The following GCM1 variants were observed in gnomAD, a reference collection of about 807,000 sequenced individuals.
GCM1 encodes the protein GCM transcription factor 1, also known as chorion-specific transcription factor GCMa.
In GCM1, 2 loss-of-function variants were observed where a neutral mutation model predicts 25.7. The observed-to-expected ratio is 0.08, with a 90% CI of 0.03 to 0.24. The LOEUF (loss-of-function observed/expected upper bound fraction) is 0.24. GCM1 is among the 10% of genes least tolerant of loss of function. The pLI, the probability that GCM1 is intolerant of heterozygous loss-of-function variation, is 1.00. For synonymous variants in GCM1, 183 were observed against 195.7 expected (o/e 0.94, Z 0.54); for missense variants, 395 against 538.7 (o/e 0.73, Z 2.64).
Position 53,128,420 on chromosome 6 carries a change from T to C in GCM1, c.1097A>G (p.Glu366Gly), listed in dbSNP as rs956295097. ...GCTGTTAAAATCCACATGTACTTTCTCTTCATAAAGATTACCCGCTGGATT... is the reference window on the plus strand; with the variant it reads ...GCTGTTAAAATCCACATGTACTTTCCCTTCATAAAGATTACCCGCTGGATT... Reference protein sequence around the residue: ...WPNPAGNLYEEKVHVDFNSYV... With the variant: ...WPNPAGNLYEGKVHVDFNSYV... The change falls in exon 6 of 6, where the codon GAG (glutamate) becomes GGG (glycine). Residue 366 changes from glutamate (E) to glycine (G), a missense_variant. Glu to Gly is a moderately conservative substitution (Grantham distance 98). Transcript: ENST00000259803. 3 of 1,613,968 alleles carry C rather than the reference T, an allele frequency of 1.9e-6. No homozygotes were observed. The highest frequency in any genetic ancestry group is 2.5e-6 in the Non-Finnish European group (3 of 1,179,942).
chr6:53,129,525 T>G (rs567160737), intron 5 of GCM1, among the ~76,000 whole-genome samples: 1 of 152,332 alleles, frequency 6.6e-6, no homozygotes, highest in East Asian at 1.9e-4. Flanking sequence ...CCACCTGCCT[T>G]GGCCTCCCAA....
Position 53,142,000 on chromosome 6 carries a change from G to GGAAAAAAAAAAAAAAAAAAAAAAAAAA in GCM1, c.75+3557_75+3558insTTTTTTTTTTTTTTTTTTTTTTTTTTC, listed in dbSNP as rs1259951702. Among the ~76,000 whole-genome samples, 6 of 12,292 alleles carry GGAAAAAAAAAAAAAAAAAAAAAAAAAA rather than the reference G, an allele frequency of 4.9e-4. 2 individuals carry two copies. Among genetic ancestry groups the GGAAAAAAAAAAAAAAAAAAAAAAAAAA allele is most frequent in the Non-Finnish European group, 1.0e-3 (6 of 5,940 alleles). The allele number at this position is 12,292 out of a possible 152,430, so 8.1% of individuals were successfully genotyped here. ...GCTTGGGTAATGAGAGTGAGACCCT[G>GGAAAAAAAAAAAAAAAAAAAAAAAAAA]AAAAAAAAAAAAAAAAAAAAAAAAA... On this transcript the variant is annotated intron_variant, in intron 2 of 5. Coordinates refer to ENST00000259803, the MANE Select transcript of GCM1 (RefSeq NM_003643.4).
At chr6:53,144,932 A>T (rs1763931605) in intron 2 of GCM1, among the ~76,000 whole-genome samples, 1 of 142,298 alleles carries the variant, frequency 7.0e-6, no homozygotes. Context: ...AAAAAAAAAA[A>T]GTAGAGGAAG....
intron 2 of GCM1, among the ~76,000 whole-genome samples, chr6:53,138,568 TTTC>T (rs1763832621): frequency 1.3e-5 from 2 of 152,218 alleles, no homozygotes; most frequent in African/African-American, 4.8e-5. Context: ...ACAATAATCA[TTTC>T]TTCATCATGT....
chr6:53,134,392 T>C, intron 2 of GCM1, 68 bp from the exon 3 acceptor site: 1 of 1,450,876 alleles, frequency 6.9e-7, no homozygotes, highest in Admixed American at 1.8e-5. Context: ...CACTGTGGAG[T>C]GAGTAGATAG....
chr6:53,133,574 C>G (rs1023567114), intron 3 of GCM1, among the ~76,000 whole-genome samples: 15 of 152,110 alleles, frequency 9.9e-5, no homozygotes, highest in African/African-American at 3.6e-4. Context: ...TCACTGCAGC[C>G]TTGACTTTCC....
chr6:53,147,036 AAAAT>A (rs1398571798), intron 1 of GCM1, among the ~76,000 whole-genome samples: 2 of 152,292 alleles, frequency 1.3e-5, no homozygotes, highest in African/African-American at 4.8e-5. Flanking sequence ...CTTGTCTCAA[AAAAT>A]AAATAAATGA....
rs757536089 is a variant in GCM1 at position 53,128,844 on chromosome 6, T to A, written c.673A>T (p.Asn225Tyr). Residue 225 changes from asparagine to tyrosine, a missense_variant, in exon 6 of 6, where the codon AAC becomes TAC. Physicochemically the swap from Asn to Tyr is moderately radical, Grantham distance 143. Coordinates refer to ENST00000259803, the MANE Select transcript of GCM1 (RefSeq NM_003643.4). The part of the protein sequence containing the change: ...PGSYSGHLIA[N>Y]TPQQNSLNDC... ...TTTAGTGAGTTCTGCTGAGGAGTGT[T>A]AGCTATTAAATGTCCACTGTAACTA... The A allele has an allele frequency of 1.2e-5, 20 of 1,613,316 alleles. No individual in the cohort carries two copies. The highest frequency in any genetic ancestry group is 1.4e-5 in the Non-Finnish European group (17 of 1,179,222).
At chr6:53,135,899 G>A (rs1763791803) in intron 2 of GCM1, among the ~76,000 whole-genome samples, 1 of 152,228 alleles carries the variant, frequency 6.6e-6, no homozygotes, top group Non-Finnish European at 1.5e-5. Flanking sequence ...AAAGAACTTT[G>A]TAACTTGAGA....
chr6:53,148,686 G>A (rs1764000460), intron 1 of GCM1, 68 bp downstream of exon 1: 1 of 152,128 alleles, frequency 6.6e-6, no homozygotes, highest in African/African-American at 2.4e-5. Flanking sequence ...ATGAAACCCT[G>A]TAGGAATAGA....
At chr6:53,139,650 G>A (rs1201587404) in intron 2 of GCM1, among the ~76,000 whole-genome samples, 2 of 152,000 alleles carry the variant, frequency 1.3e-5, no homozygotes, top group African/African-American at 2.4e-5. Context: ...GGCAGATCAC[G>A]AGGTCAGGAG....
rs758532510 is a variant in GCM1 at position 53,134,342 on chromosome 6, G to C, written c.76-18C>G. ...TTCACGTTCTGATAGAAACACAAAA[G>C]ATACGACTATACTTTAAGCTAGAAA... On this transcript the variant is annotated intron_variant, in intron 2 of 5. Coordinates refer to ENST00000259803, the MANE Select transcript of GCM1 (RefSeq NM_003643.4). The C allele has an allele frequency of 3.7e-6, 6 of 1,607,658 alleles. No individual in the cohort carries two copies. The African/African-American group carries it at 6.7e-5, about 18-fold the overall frequency.
chr6:53,138,322 A>G (rs533871116), intron 2 of GCM1, among the ~76,000 whole-genome samples: 72 of 150,526 alleles, frequency 4.8e-4, no homozygotes, highest in African/African-American at 1.3e-3. Flanking sequence ...TGGACAACGT[A>G]TGGACTGAGA....
In GCM1 at chr6:53,146,225, T is replaced by TATAA. The variant is rs1430197087; in HGVS notation, c.-136-458_-136-457insTTAT. 4.3e-4 allele frequency among the ~76,000 whole-genome samples: 39 copies of TATAA among 90,762 alleles called. No individual in the cohort carries two copies. In the East Asian group the frequency reaches 0.014, roughly 32 times the overall value. The allele number at this position is 90,762 out of a possible 152,430, so 59.5% of individuals were successfully genotyped here. A position where few individuals can be genotyped will look rare whatever the true frequency, so the allele number is the denominator to read the frequency against. On this transcript the variant is annotated intron_variant, in intron 1 of 5. Coordinates refer to ENST00000259803, the MANE Select transcript of GCM1 (RefSeq NM_003643.4). ...ATATATATATATATATATTTTTTTT[T>TATAA]TTTTTTTTTTTTGAGATGGAGTCTC...
chr6:53,146,191 GTT>G (rs10555411), intron 1 of GCM1, among the ~76,000 whole-genome samples: 1,994 of 115,782 alleles, frequency 0.017, 1 homozygote, highest in African/African-American at 0.035. Context: ...ATACATATAT[GTT>G]TTATATATAT....
chr6:53,141,537 A>G (rs550182413), intron 2 of GCM1, among the ~76,000 whole-genome samples: 1 of 152,102 alleles, frequency 6.6e-6, no homozygotes, highest in South Asian at 2.1e-4. Flanking sequence ...AATACAAAAA[A>G]TTAGCCGGAC....
intron 1 of GCM1, among the ~76,000 whole-genome samples, chr6:53,146,903 G>A (rs1393677238): frequency 6.6e-6 from 1 of 152,074 alleles, no homozygotes; most frequent in Non-Finnish European, 1.5e-5. Flanking sequence ...GCATGGTGGT[G>A]CACACCTGTA....
In GCM1 at chr6:53,128,082, T is replaced by G; in HGVS notation, c.*124A>C. 1 of 407,638 alleles carries G rather than the reference T, an allele frequency of 2.5e-6. No individual in the cohort carries two copies. The highest frequency in any genetic ancestry group is 5.3e-5 in the South Asian group (1 of 18,710). 25.3% of individuals were successfully genotyped at this position (407,638 alleles called of 1,614,324 possible). On this transcript the variant is annotated 3_prime_UTR_variant, in exon 6 of 6. Coordinates refer to ENST00000259803, the MANE Select transcript of GCM1 (RefSeq NM_003643.4). ...GGAAAAAAGAAAAAGAAAAAAGCCT[T>G]GTCTACTGCTTATCATGATTCTCAT...
At chr6:53,138,728 A>T (rs1249147551) in intron 2 of GCM1, among the ~76,000 whole-genome samples, 3 of 152,200 alleles carry the variant, frequency 2.0e-5, no homozygotes, top group Non-Finnish European at 4.4e-5. Context: ...CAACATGTAG[A>T]CCTAGCTAAT....
Sources: allele counts gnomAD v4.1 joint callset (sites outside exome capture counted in the v4.1 genomes callset), GRCh38; gene constraint gnomAD v4.1.1; transcripts MANE v1.5; gene names NCBI Gene and HGNC (gene_info 2026-07-23, HGNC 2026-07-21).